The following DAB2IP variants were observed in gnomAD, a reference collection of about 807,000 sequenced individuals.
The protein encoded by DAB2IP is disabled homolog 2-interacting protein.
DAB2IP carries 28 observed loss-of-function variants against 107.2 expected under a neutral mutation model. The observed-to-expected ratio is 0.26, with a 90% confidence interval of 0.19 to 0.36. The LOEUF (loss-of-function observed/expected upper bound fraction) is 0.36. Ranked by LOEUF, DAB2IP falls within the 10% of genes least tolerant of loss-of-function variation. The probability of loss-of-function intolerance (pLI) is 1.00; values close to 1 mark genes in which losing one functional copy is unlikely to be tolerated. For missense variants in DAB2IP, 1,400 were observed against 1,644.7 expected, an observed-to-expected ratio of 0.85 and a Z score of 2.57; for synonymous variants, 755 against 706.4, an observed-to-expected ratio of 1.07 and a Z score of -1.09.
In DAB2IP at chr9:121,766,959, G is replaced by T. The variant is rs151240442; in HGVS notation, c.1697+229G>T. Among the ~76,000 whole-genome samples the T allele has an allele frequency of 2.1e-3, 326 of 152,290 alleles. 1 individual carries two copies. The highest frequency in any genetic ancestry group is 5.6e-3 in the African/African-American group (234 of 41,550). ...TTGGTATGTTTCTTAATTTTTAAAGGTGACGACATGAGACATTTTTTTCCT... is the reference window on the plus strand; with the variant it reads ...TTGGTATGTTTCTTAATTTTTAAAGTTGACGACATGAGACATTTTTTTCCT... On this transcript the variant is annotated intron_variant, in intron 9 of 15. Transcript: ENST00000408936.
chr9:121,588,182 A>C (rs1830346956), intron 1 of DAB2IP, among the ~76,000 whole-genome samples: 1 of 152,104 alleles, frequency 6.6e-6, no homozygotes, highest in Non-Finnish European at 1.5e-5. Context: ...TGCATAGGGA[A>C]AAAAAGGTCA....
Position 121,662,443 on chromosome 9 carries a change from T to C in DAB2IP, c.124+10544T>C, listed in dbSNP as rs1459469676. Among the ~76,000 whole-genome samples the C allele has an allele frequency of 6.6e-6, 1 of 152,252 alleles. No individual in the cohort carries two copies. The highest frequency in any genetic ancestry group is 1.5e-5 in the Non-Finnish European group (1 of 68,046). ...AAGAAGGAGAACATAGGGAGTTATA[T>C]GAAATTCAAATTTCAATGCCCATAA... On this transcript the variant is annotated intron_variant, in intron 1 of 15. Transcript: ENST00000408936. This position sits in a 1 kb window ranked among gnomAD's most constrained non-coding sequence, Gnocchi z 4.6.
intron 3 of DAB2IP, chr9:121,737,506 A>G: frequency 2.0e-6 from 2 of 985,460 alleles, no homozygotes; most frequent in Non-Finnish European, 2.4e-6. Context: ...TCTGTCCAGA[A>G]GAGCTGCCTG....
intron 3 of DAB2IP, among the ~76,000 whole-genome samples, chr9:121,708,513 A>G (rs1830169801): frequency 6.6e-6 from 1 of 152,200 alleles, no homozygotes; most frequent in Non-Finnish European, 1.5e-5. Context: ...CAGGGCATTC[A>G]TGACTGATCT....
intron 1 of DAB2IP, among the ~76,000 whole-genome samples, chr9:121,582,035 C>A (rs755547637): frequency 1.3e-5 from 2 of 152,174 alleles, no homozygotes; most frequent in East Asian, 3.9e-4. Context: ...TCCTTCACCA[C>A]GGTTGGGGGC....
intron 3 of DAB2IP, among the ~76,000 whole-genome samples, chr9:121,711,107 C>T (rs1436064904): frequency 6.6e-6 from 1 of 152,226 alleles, no homozygotes; most frequent in Non-Finnish European, 1.5e-5. Context: ...AGAGTCTGTA[C>T]AAGCCAGGGG....
chr9:121,614,889 G>A (rs1461891392), intron 1 of DAB2IP, among the ~76,000 whole-genome samples: 3 of 151,616 alleles, frequency 2.0e-5, no homozygotes, highest in Non-Finnish European at 2.9e-5. Flanking sequence ...GTGCACCACC[G>A]CGTTCGGCTA....
intron 3 of DAB2IP, among the ~76,000 whole-genome samples, chr9:121,735,962 TCTC>T (rs1831870612): frequency 6.6e-6 from 1 of 152,172 alleles, no homozygotes; most frequent in Non-Finnish European, 1.5e-5. Flanking sequence ...CACCAGCCTG[TCTC>T]CTCCTTCCCT....
chr9:121,614,297 A>G (rs557969914), intron 1 of DAB2IP, among the ~76,000 whole-genome samples: 1 of 147,884 alleles, frequency 6.8e-6, no homozygotes, highest in Non-Finnish European at 1.5e-5. Flanking sequence ...CCAGGACCTA[A>G]TGTGTCCAGG....
In DAB2IP at chr9:121,747,362, C is replaced by CTTTTTTTT. The variant is rs1564196322; in HGVS notation, c.363-9651_363-9650insTTTTTTTT. ...TAGATGCTTTTTTTTTTTTTTTTTC[C>CTTTTTTTT]CCTGAGACAGAGTCTCGCTCTGTCG... is the stretch of plus-strand genomic sequence containing the variant. On this transcript the variant is annotated intron_variant, in intron 3 of 15. Transcript: ENST00000408936. Among the ~76,000 whole-genome samples, 46 of 130,260 alleles carry CTTTTTTTT rather than the reference C, an allele frequency of 3.5e-4. 1 individual carries two copies. Among genetic ancestry groups the CTTTTTTTT allele is most frequent in the African/African-American group, 1.4e-3 (45 of 31,786 alleles). 85.5% of individuals were successfully genotyped at this position (130,260 alleles called of 152,430 possible).
chr9:121,712,176 TC>T (rs758279496), intron 3 of DAB2IP, among the ~76,000 whole-genome samples: 39 of 152,322 alleles, frequency 2.6e-4, no homozygotes, highest in Non-Finnish European at 4.9e-4. Flanking sequence ...GGGGGCTGGC[TC>T]TGGTGTGTCC....
chr9:121,712,210 A>AAGG (rs1830369822), intron 3 of DAB2IP, among the ~76,000 whole-genome samples: 1 of 152,192 alleles, frequency 6.6e-6, no homozygotes, highest in African/African-American at 2.4e-5. Context: ...TAGCATGATA[A>AAGG]AGGGCAGGTG....
In DAB2IP at chr9:121,634,146, C is replaced by T. The variant is rs1343924174; in HGVS notation, c.41-44532C>T. ...CAGTTCTTGAAGGGTCCTCCAGAGACCATGCCATGACTTGCATTGGTTTTC... is the reference window on the plus strand; with the variant it reads ...CAGTTCTTGAAGGGTCCTCCAGAGATCATGCCATGACTTGCATTGGTTTTC... On this transcript the variant is annotated intron_variant, in intron 1 of 16. Transcript: ENST00000259371. This position sits in a 1 kb window ranked among gnomAD's most constrained non-coding sequence, Gnocchi z 4.7. 6.6e-6 allele frequency among the ~76,000 whole-genome samples: 1 copy of T among 152,160 alleles called. No homozygotes were observed. Among genetic ancestry groups the T allele is most frequent in the East Asian group, 1.9e-4 (1 of 5,186 alleles).
At chr9:121,752,939 C>T (rs1244019662) in intron 3 of DAB2IP, 1 of 152,244 alleles carries the variant, frequency 6.6e-6, no homozygotes, top group Non-Finnish European at 1.5e-5. Context: ...CGCAGCAACA[C>T]TAGATCAAAG....
chr9:121,782,756 G>C lies in DAB2IP; in HGVS notation c.*258G>C. 7.4e-7 allele frequency: 1 copy of C among 1,346,256 alleles called. No individual in the cohort carries two copies. Among genetic ancestry groups the C allele is most frequent in the Non-Finnish European group, 9.5e-7 (1 of 1,048,486 alleles). The allele number at this position is 1,346,256 out of a possible 1,614,324, so 83.4% of individuals were successfully genotyped here. Reference sequence around the variant, plus strand: ...GCACGCTGGGGAGTGGGGACAGCCTGATGGGGCAGGGGGCCTGCCAAAAAT... The same window carrying C: ...GCACGCTGGGGAGTGGGGACAGCCTCATGGGGCAGGGGGCCTGCCAAAAAT... On this transcript the variant is annotated 3_prime_UTR_variant, in exon 16 of 16. Coordinates refer to ENST00000408936, the Ensembl canonical transcript of DAB2IP. This position sits in a 1 kb window ranked among gnomAD's most constrained non-coding sequence, Gnocchi z 6.1.
chr9:121,699,362 G>A lies in DAB2IP; in HGVS notation c.266G>A (p.Arg89His). ...CGCCGCCTCAAGGGCTCCATCAAGC[G>A]CACCAAGAGCCAGCCCAAGCTGGAC... Residue 89 changes from arginine (R) to histidine (H), a missense_variant, in exon 3 of 16, where the codon CGC becomes CAC. By Grantham distance (29) the Arg-to-His change is conservative (BLOSUM62 0). Coordinates refer to ENST00000408936, the Ensembl canonical transcript of DAB2IP. The surrounding 1 kb of genome is among the most constrained non-coding windows in gnomAD (Gnocchi z 6.2). The A allele has an allele frequency of 1.4e-6, 2 of 1,465,060 alleles. No individual in the cohort carries two copies. Among genetic ancestry groups the A allele is most frequent in the Non-Finnish European group, 1.8e-6 (2 of 1,096,636 alleles). The allele number at this position is 1,465,060 out of a possible 1,614,324, so 90.8% of individuals were successfully genotyped here.
chr9:121,643,336 C>A (rs1832427149), intron 1 of DAB2IP, among the ~76,000 whole-genome samples: 1 of 152,016 alleles, frequency 6.6e-6, no homozygotes, highest in African/African-American at 2.4e-5. Context: ...GGTTGCACAG[C>A]CACACAGTGA....
chr9:121,594,188 C>T lies in DAB2IP; in HGVS notation c.40+26960C>T, dbSNP rs1207374585. On this transcript the variant is annotated intron_variant, in intron 1 of 16. Coordinates refer to the DAB2IP transcript ENST00000259371. ...GCTCAGAGGGATGTAGTAGCATGCT[C>T]TAGGTCACACAGCTGGCAAGTGGGT... Among the ~76,000 whole-genome samples, 3 of 151,520 alleles carry T rather than the reference C, an allele frequency of 2.0e-5. No homozygotes were observed. In the South Asian group the frequency reaches 6.3e-4, roughly 32 times the overall value.
chr9:121,754,338 G>A lies in DAB2IP; in HGVS notation c.363-2675G>A, dbSNP rs80040416. Among the ~76,000 whole-genome samples, 1,508 of 152,256 alleles carry A rather than the reference G, an allele frequency of 9.9e-3. 22 individuals carry two copies. The highest frequency in any genetic ancestry group is 0.034 in the African/African-American group (1,406 of 41,550). Reference sequence around the variant, plus strand: ...CATAGGAACGTGAGTGAGAGAGTACGGGTCCACTGGCCCTGCCTCCACCAC... The same window carrying A: ...CATAGGAACGTGAGTGAGAGAGTACAGGTCCACTGGCCCTGCCTCCACCAC... On this transcript the variant is annotated intron_variant, in intron 3 of 15. Transcript: ENST00000408936.
Sources: gnomAD v4.1 joint callset for allele counts (sites outside exome capture counted in the v4.1 genomes callset) on GRCh38, gnomAD v4.1.1 for gene constraint, Gnocchi (gnomAD v3.1) non-coding constraint, MANE v1.5 for transcripts, NCBI Gene and HGNC (gene_info 2026-07-23, HGNC 2026-07-21) for gene names.